SGCZ: variants seen among roughly 807,000 people sequenced by gnomAD.
SGCZ encodes sarcoglycan zeta, also known as zeta-sarcoglycan.
A neutral mutation model predicts 41.3 loss-of-function variants in SGCZ; 40 were observed. The ratio of observed to expected loss-of-function variants is 0.97; its 90% CI spans 0.75 to 1.26. The LOEUF (loss-of-function observed/expected upper bound fraction) is 1.26. SGCZ is among the 50% of genes most tolerant of loss of function. SGCZ has a pLI of 0.00. For synonymous variants in SGCZ, 206 were observed against 137.5 expected, an observed-to-expected ratio of 1.50 and a Z score of -3.49; for missense variants, 552 against 369.8, an observed-to-expected ratio of 1.49 and a Z score of -4.04.
At chr8:14,636,644 T>C (rs533056912) in intron 1 of SGCZ, among the ~76,000 whole-genome samples, 3 of 151,940 alleles carry the variant, frequency 2.0e-5, no homozygotes, top group East Asian at 3.9e-4. Flanking sequence ...AGCAGGAATG[T>C]CTACTTGACG....
At chr8:15,159,981 C>T (rs1044264203) in intron 1 of SGCZ, among the ~76,000 whole-genome samples, 1 of 151,810 alleles carries the variant, frequency 6.6e-6, no homozygotes, top group East Asian at 1.9e-4. Flanking sequence ...AGAACAGCAG[C>T]ATCAAGACCT....
intron 5 of SGCZ, among the ~76,000 whole-genome samples, chr8:14,154,700 A>C (rs1166254309): frequency 1.3e-5 from 2 of 152,118 alleles, no homozygotes; most frequent in African/African-American, 4.8e-5. Context: ...CTTTTATAAA[A>C]TGGTAGAGGC....
chr8:14,625,579 G>C (rs931590314), intron 1 of SGCZ, among the ~76,000 whole-genome samples: 1 of 152,012 alleles, frequency 6.6e-6, no homozygotes, highest in Non-Finnish European at 1.5e-5. Context: ...GTAGTGTTTT[G>C]TTGTTGTTGT....
intron 1 of SGCZ, among the ~76,000 whole-genome samples, chr8:15,222,526 T>C (rs1260994570): frequency 6.6e-6 from 1 of 152,222 alleles, no homozygotes; most frequent in East Asian, 1.9e-4. Context: ...TGCTTACAAA[T>C]GATTTAATGT....
At position 14,128,718 on chromosome 8, in the gene SGCZ, T is replaced by TAC. The variant is rs144594296; in HGVS notation, c.548-20485_548-20484dup. On this transcript the variant is annotated intron_variant, in intron 5 of 7. Coordinates refer to ENST00000382080, the MANE Select transcript of SGCZ (RefSeq NM_139167.4). The stretch of plus-strand genomic sequence containing the variant: ...TGTGATGTGTGTGTATATATACATA[T>TAC]ACACACACACACACACACCATTGAC... Among the ~76,000 whole-genome samples, 1,278 of 150,358 alleles carry TAC rather than the reference T, an allele frequency of 8.5e-3. 19 individuals carry two copies. The highest frequency in any genetic ancestry group is 0.028 in the African/African-American group (1,160 of 41,038).
At chr8:15,089,764 A>T (rs1489072580) in intron 1 of SGCZ, among the ~76,000 whole-genome samples, 2 of 152,188 alleles carry the variant, frequency 1.3e-5, no homozygotes, top group Non-Finnish European at 2.9e-5. Context: ...TCATGTACAC[A>T]GTAAGTACTC....
intron 2 of SGCZ, among the ~76,000 whole-genome samples, chr8:14,518,991 C>G (rs750814178): frequency 1.3e-5 from 2 of 149,890 alleles, no homozygotes; most frequent in Non-Finnish European, 3.0e-5. Flanking sequence ...ATCGCTTGAA[C>G]CCAGGAGGCA....
At chr8:14,148,066 G>T (rs939994985) in intron 5 of SGCZ, among the ~76,000 whole-genome samples, 1 of 151,770 alleles carries the variant, frequency 6.6e-6, no homozygotes, top group Admixed American at 6.6e-5. Context: ...GTACTCAGAG[G>T]GACCATTATA....
intron 1 of SGCZ, among the ~76,000 whole-genome samples, chr8:14,951,151 T>C (rs539552898): frequency 6.6e-6 from 1 of 151,544 alleles, no homozygotes; most frequent in East Asian, 1.9e-4. Flanking sequence ...GTCCCATTTA[T>C]CACAGAATTT....
At chr8:15,196,270 A>G (rs1800729576) in intron 1 of SGCZ, among the ~76,000 whole-genome samples, 2 of 152,338 alleles carry the variant, frequency 1.3e-5, no homozygotes, top group East Asian at 3.9e-4. Flanking sequence ...TTTTAAATAC[A>G]AAGATGTAGT....
chr8:14,605,116 AG>A (rs1382768015), intron 1 of SGCZ, among the ~76,000 whole-genome samples: 5 of 152,194 alleles, frequency 3.3e-5, no homozygotes, highest in African/African-American at 1.2e-4. Context: ...ATTTGTTAAA[AG>A]GGTTCAGCAG....
intron 1 of SGCZ, among the ~76,000 whole-genome samples, chr8:14,721,170 G>C (rs529229777): frequency 4.3e-4 from 66 of 152,084 alleles, no homozygotes; most frequent in Admixed American, 7.9e-4. Context: ...CGAAAGTTCA[G>C]TCCCTGAACC....
chr8:15,202,865 C>T (rs1463698777), intron 1 of SGCZ, among the ~76,000 whole-genome samples: 1 of 152,018 alleles, frequency 6.6e-6, no homozygotes, highest in Non-Finnish European at 1.5e-5. Flanking sequence ...AATCCCAGAA[C>T]GTCGGGAATC....
intron 1 of SGCZ, among the ~76,000 whole-genome samples, chr8:14,821,399 A>G (rs374018044): frequency 6.6e-6 from 1 of 152,094 alleles, no homozygotes; most frequent in Non-Finnish European, 1.5e-5. Flanking sequence ...CATTAAAAGA[A>G]CTAATACCAA....
intron 1 of SGCZ, among the ~76,000 whole-genome samples, chr8:14,738,295 A>T (rs1027200702): frequency 6.6e-6 from 1 of 152,094 alleles, no homozygotes; most frequent in African/African-American, 2.4e-5. Context: ...GTACAGCCTC[A>T]GTATTTTTCT....
chr8:15,080,921 A>G (rs1388175396), intron 1 of SGCZ, among the ~76,000 whole-genome samples: 1 of 152,010 alleles, frequency 6.6e-6, no homozygotes, highest in Non-Finnish European at 1.5e-5. Context: ...GAAGGAGACA[A>G]TTCAGACAGA....
chr8:14,182,813 C>T (rs1359948316), intron 4 of SGCZ, among the ~76,000 whole-genome samples: 1 of 151,894 alleles, frequency 6.6e-6, no homozygotes, highest in Non-Finnish European at 1.5e-5. Flanking sequence ...AGTTCAAGAC[C>T]AGCCTGGTCA....
At chr8:14,969,067 T>C (rs999738230) in intron 1 of SGCZ, among the ~76,000 whole-genome samples, 9 of 152,100 alleles carry the variant, frequency 5.9e-5, no homozygotes, top group African/African-American at 1.9e-4. Context: ...GATTGAGAAA[T>C]ATGTAAAGCT....
intron 2 of SGCZ, among the ~76,000 whole-genome samples, chr8:14,361,270 A>G (rs1803503055): frequency 1.3e-5 from 2 of 152,168 alleles, no homozygotes; most frequent in African/African-American, 4.8e-5. Context: ...TAATATCCTG[A>G]AGAGCATTTT....
Sources: allele counts gnomAD v4.1 joint callset (sites outside exome capture counted in the v4.1 genomes callset), GRCh38; gene constraint gnomAD v4.1.1; transcripts MANE v1.5; gene names NCBI Gene and HGNC (gene_info 2026-07-23, HGNC 2026-07-21).